The following CRMP1 variants were observed in gnomAD, a reference collection of about 807,000 sequenced individuals.
The protein encoded by CRMP1 is dihydropyrimidinase-related protein 1.
Under a neutral mutation model 68.3 loss-of-function variants are expected in CRMP1, and 19 were observed. The observed-to-expected ratio is 0.28, with a 90% CI of 0.19 to 0.41. The LOEUF (loss-of-function observed/expected upper bound fraction) is 0.41. Among genes scored for constraint, CRMP1 ranks in the 10% least tolerant of loss-of-function variants. The pLI is 1.00. For synonymous variants in CRMP1, 439 were observed against 399.6 expected, an observed-to-expected ratio of 1.10 and a Z score of -1.18; for missense variants, 791 against 967.4, an observed-to-expected ratio of 0.82 and a Z score of 2.42.
intron 6 of CRMP1, among the ~76,000 whole-genome samples, chr4:5,844,072 C>A (rs1711998154): frequency 6.6e-6 from 1 of 152,122 alleles, no homozygotes; most frequent in South Asian, 2.1e-4. Flanking sequence ...CCGTCATGAA[C>A]CCTGGGCCTC....
chr4:5,828,519 G>A lies in CRMP1; in HGVS notation c.1773C>T (p.His591=). The A allele has an allele frequency of 6.2e-7, 1 of 1,614,228 alleles. No individual in the cohort carries two copies. The highest frequency in any genetic ancestry group is 8.5e-7 in the Non-Finnish European group (1 of 1,180,034). The change falls in exon 12 of 14, where the codon CAC becomes CAT. Residue 591 remains histidine (H), a synonymous_variant. Transcript: ENST00000324989. ...RFIPRKAFPE[H]LYQRVKIRNK... is the part of the protein sequence containing the mutation. ...TCCTGATTTTGACGCGCTGGTACAG[G>A]TGCTCCGGGAACGCCTTCCGCGGAA...
At chr4:5,824,244 C>A in intron 13 of CRMP1, 1 of 973,118 alleles carries the variant, frequency 1.0e-6, no homozygotes, top group Non-Finnish European at 1.2e-6. Flanking sequence ...AGCTTTTTCC[C>A]AGGATGAAGC....
chr4:5,828,762 C>A lies in CRMP1; in HGVS notation c.1624-94G>T, dbSNP rs1444110653. Reference sequence around the variant, plus strand: ...ATTTTGCCTAACATTATATCATAAGCGTGTTCCAATGTTTTTTTTTCTCTC... The same window carrying A: ...ATTTTGCCTAACATTATATCATAAGAGTGTTCCAATGTTTTTTTTTCTCTC... On this transcript the variant is annotated intron_variant, in intron 11 of 13. Coordinates refer to ENST00000324989, the MANE Select transcript of CRMP1 (RefSeq NM_001014809.3). The A allele has an allele frequency of 2.7e-5, 38 of 1,407,096 alleles. No homozygotes were observed. In the South Asian group the frequency reaches 3.4e-4, roughly 13 times the overall value. The allele number at this position is 1,407,096 out of a possible 1,614,324, so 87.2% of individuals were successfully genotyped here. A position where few individuals can be genotyped will look rare whatever the true frequency, so the allele number is the denominator to read the frequency against.
chr4:5,835,392 G>T (rs1332071354), intron 11 of CRMP1, among the ~76,000 whole-genome samples: 2 of 152,164 alleles, frequency 1.3e-5, no homozygotes, highest in Non-Finnish European at 2.9e-5. Context: ...CTGGATGAGT[G>T]GAGAAATCAA....
intron 8 of CRMP1, among the ~76,000 whole-genome samples, chr4:5,840,357 G>C (rs1485361915): frequency 6.6e-6 from 1 of 152,206 alleles, no homozygotes. Flanking sequence ...AAAGCCTGCA[G>C]GCAGAGGCTC....
chr4:5,874,250 T>C (rs1461980609), intron 1 of CRMP1, among the ~76,000 whole-genome samples: 1 of 152,250 alleles, frequency 6.6e-6, no homozygotes, highest in Non-Finnish European at 1.5e-5. Context: ...ATTCAGCTAC[T>C]ACAGCTACTC....
chr4:5,823,705 T>C (rs979144025), intron 13 of CRMP1, among the ~76,000 whole-genome samples: 10 of 152,222 alleles, frequency 6.6e-5, no homozygotes, highest in African/African-American at 1.9e-4. Context: ...TCCTTCGCCT[T>C]CTGCCATGCT....
Position 5,825,999 on chromosome 4 carries a change from G to A in CRMP1, c.1804-340C>T, listed in dbSNP as rs17748566. The A allele has an allele frequency of 0.059, 20,978 of 354,832 alleles. 726 individuals carry two copies. Among genetic ancestry groups the A allele is most frequent in the African/African-American group, 0.069 (2,981 of 42,974 alleles). 22.0% of individuals were successfully genotyped at this position (354,832 alleles called of 1,614,324 possible). ...AACAGGCCTACACAGTAGCATACAC[G>A]CGTGAACACGCACACACACTTAAAT... is the stretch of plus-strand genomic sequence containing the variant. On this transcript the variant is annotated intron_variant, in intron 12 of 13. Coordinates refer to ENST00000324989, the MANE Select transcript of CRMP1 (RefSeq NM_001014809.3). The surrounding 1 kb of genome is among the most constrained non-coding windows in gnomAD (Gnocchi z 4.4).
Position 5,831,840 on chromosome 4 carries a change from A to G in CRMP1, c.1624-3172T>C, listed in dbSNP as rs143706481. On this transcript the variant is annotated intron_variant, in intron 11 of 13. Transcript: ENST00000324989. The stretch of plus-strand genomic sequence containing the variant: ...AAAAATTTAAACAACACAAAACACC[A>G]TGATGAAAAAACCTCTTGCCATCCA... 1.4e-3 allele frequency among the ~76,000 whole-genome samples: 207 copies of G among 152,344 alleles called. No homozygotes were observed. In the Middle Eastern group the frequency reaches 0.017, roughly 13 times the overall value.
intron 13 of CRMP1, among the ~76,000 whole-genome samples, chr4:5,823,784 G>A (rs950255385): frequency 8.0e-5 from 12 of 150,772 alleles, no homozygotes; most frequent in African/African-American, 1.7e-4. Flanking sequence ...CTGCAGAGCC[G>A]TGAGCCAAGT....
At chr4:5,880,306 G>A (rs4429675) in intron 1 of CRMP1, among the ~76,000 whole-genome samples, 1 of 151,944 alleles carries the variant, frequency 6.6e-6, no homozygotes, top group Non-Finnish European at 1.5e-5. Flanking sequence ...TTAAAAGTTC[G>A]ATTCAACGTT....
intron 5 of CRMP1, among the ~76,000 whole-genome samples, chr4:5,851,018 C>G (rs1712579759): frequency 6.6e-6 from 1 of 152,214 alleles, no homozygotes; most frequent in Non-Finnish European, 1.5e-5. Context: ...TGTGTCAGAG[C>G]TCATAAATGG....
rs59152465 is a variant in CRMP1, at chr4:5,891,212, A to ACACACACACACACACACACC, written c.381+1376_381+1377insGGTGTGTGTGTGTGTGTGTG. Among the ~76,000 whole-genome samples the ACACACACACACACACACACC allele has an allele frequency of 4.8e-5, 7 of 147,120 alleles. No homozygotes were observed. The highest frequency in any genetic ancestry group is 7.7e-5 in the African/African-American group (3 of 38,964). ...CACACACACACACACACACACACAC[A>ACACACACACACACACACACC]CCCTTGCTGTTGGACCTCTCCCTCG... On this transcript the variant is annotated intron_variant, in intron 1 of 13. Coordinates refer to ENST00000324989, the MANE Select transcript of CRMP1 (RefSeq NM_001014809.3). This position sits in a 1 kb window ranked among gnomAD's most constrained non-coding sequence, Gnocchi z 5.2.
intron 6 of CRMP1, among the ~76,000 whole-genome samples, chr4:5,846,291 G>C (rs890561178): frequency 6.6e-6 from 1 of 152,124 alleles, no homozygotes; most frequent in Non-Finnish European, 1.5e-5. Context: ...ATGAGATTAA[G>C]TCTCAAAAAA....
At chr4:5,887,392 G>C in intron 1 of CRMP1, 4 of 985,602 alleles carry the variant, frequency 4.1e-6, no homozygotes, top group Non-Finnish European at 4.8e-6. Flanking sequence ...TGCATACATG[G>C]GCTCCAGTGG....
Position 5,865,257 on chromosome 4 carries a change from G to C in CRMP1, c.470+1411C>G, listed in dbSNP as rs555187035. Among the ~76,000 whole-genome samples, 1 of 152,202 alleles carries C rather than the reference G, an allele frequency of 6.6e-6. No individual in the cohort carries two copies. The highest frequency in any genetic ancestry group is 2.4e-5 in the African/African-American group (1 of 41,532). On this transcript the variant is annotated intron_variant, in intron 2 of 13. Transcript: ENST00000324989. The surrounding 1 kb of genome is among the most constrained non-coding windows in gnomAD (Gnocchi z 4.1). Reference sequence around the variant, plus strand: ...TTCTCTTCCAGATTTCAAGGGAAGAGGCTGAGCACCCAGCAAATCCAGGTT... The same window carrying C: ...TTCTCTTCCAGATTTCAAGGGAAGACGCTGAGCACCCAGCAAATCCAGGTT...
At chr4:5,856,036 C>A in intron 4 of CRMP1, 107 bp downstream of exon 4, 5 of 1,329,310 alleles carry the variant, frequency 3.8e-6, no homozygotes, top group Non-Finnish European at 5.2e-6. Context: ...AGCTCATAAT[C>A]AGGCTCAGAA....
Position 5,889,331 on chromosome 4 carries a change from G to A in CRMP1, c.381+3258C>T, listed in dbSNP as rs1715833522. Among the ~76,000 whole-genome samples, 1 of 152,176 alleles carries A rather than the reference G, an allele frequency of 6.6e-6. No homozygotes were observed. Among genetic ancestry groups the A allele is most frequent in the Admixed American group, 6.5e-5 (1 of 15,282 alleles). ...CAGAATTGCCTCCAAGACAGCAGGT[G>A]TTTGGAGGGCTGGGCCACTGGCACC... On this transcript the variant is annotated intron_variant, in intron 1 of 13. Coordinates refer to ENST00000324989, the MANE Select transcript of CRMP1 (RefSeq NM_001014809.3). The surrounding 1 kb of genome is among the most constrained non-coding windows in gnomAD (Gnocchi z 4.5).
Position 5,883,230 on chromosome 4 carries a change from G to GCTTTCCTTCCTTCCTTCCAT in CRMP1, c.381+9358_381+9359insATGGAAGGAAGGAAGGAAAG, listed in dbSNP as rs1553909281. 6.3e-3 allele frequency among the ~76,000 whole-genome samples: 734 copies of GCTTTCCTTCCTTCCTTCCAT among 117,164 alleles called. 4 individuals carry two copies. Among genetic ancestry groups the GCTTTCCTTCCTTCCTTCCAT allele is most frequent in the African/African-American group, 0.021 (682 of 31,958 alleles). 76.9% of individuals were successfully genotyped at this position (117,164 alleles called of 152,430 possible). ...CTGTGCCCTGTTCCGCAGCCTGCCT[G>GCTTTCCTTCCTTCCTTCCAT]CTTTCCTTCCTTCCTTCCTTCCTTC... On this transcript the variant is annotated intron_variant, in intron 1 of 13. Transcript: ENST00000324989. This position sits in a 1 kb window ranked among gnomAD's most constrained non-coding sequence, Gnocchi z 4.5.
Sources: allele counts gnomAD v4.1 joint callset (sites outside exome capture counted in the v4.1 genomes callset), GRCh38; gene constraint gnomAD v4.1.1; non-coding constraint Gnocchi (gnomAD v3.1); transcripts MANE v1.5; gene names NCBI Gene and HGNC (gene_info 2026-07-23, HGNC 2026-07-21).